The following COG5 variants were observed in gnomAD, a reference collection of about 807,000 sequenced individuals.
COG5 encodes the protein component of oligomeric golgi complex 5, also known as conserved oligomeric Golgi complex subunit 5.
A neutral mutation model predicts 110.4 loss-of-function variants in COG5; 86 were observed. That is an observed-to-expected ratio of 0.78 (90% CI 0.65 to 0.93). The LOEUF (loss-of-function observed/expected upper bound fraction) is 0.93. Ranked by LOEUF, COG5 falls within the 40% of genes least tolerant of loss-of-function variation. The pLI is 0.00. For missense variants in COG5, 1,077 were observed against 987.0 expected, an observed-to-expected ratio of 1.09 and a Z score of -1.22; for synonymous variants, 360 against 334.6, an observed-to-expected ratio of 1.08 and a Z score of -0.83.
chr7:107,533,439 T>C (rs1048680328), intron 5 of COG5, among the ~76,000 whole-genome samples: 7 of 151,310 alleles, frequency 4.6e-5, no homozygotes, highest in Non-Finnish European at 1.0e-4. Context: ...GTTAGAGGAA[T>C]TGCTAACTAG....
At chr7:107,507,062 G>C (rs762177861) in intron 6 of COG5, among the ~76,000 whole-genome samples, 19 of 152,152 alleles carry the variant, frequency 1.2e-4, no homozygotes, top group Non-Finnish European at 2.5e-4. Context: ...ATCAGTTCCA[G>C]TGTTGAGTAG....
intron 8 of COG5, among the ~76,000 whole-genome samples, chr7:107,372,048 G>A (rs185066952): frequency 2.2e-4 from 33 of 152,246 alleles, no homozygotes; most frequent in African/African-American, 6.0e-4. Context: ...AAGGTTTACA[G>A]ACTCCTAATG....
intron 7 of COG5, among the ~76,000 whole-genome samples, chr7:107,380,341 C>A (rs966457942): frequency 1.3e-5 from 2 of 151,572 alleles, no homozygotes; most frequent in Non-Finnish European, 2.9e-5. Context: ...GATACAGACA[C>A]GAAAAACCCT....
intron 7 of COG5, among the ~76,000 whole-genome samples, chr7:107,388,491 G>A (rs1168278654): frequency 1.3e-5 from 2 of 152,140 alleles, no homozygotes; most frequent in Non-Finnish European, 2.9e-5. Context: ...CCAAGAACAT[G>A]CCATAGTAAA....
Position 107,325,848 on chromosome 7 carries a change from T to C in COG5, c.1027-1327A>G, listed in dbSNP as rs893582769. The stretch of plus-strand genomic sequence containing the variant: ...ATTAATTGTTCCTTTTTAAAATAAG[T>C]CTTATGGTTGTAAATTTACTCAAGA... On this transcript the variant is annotated intron_variant, in intron 10 of 21. Coordinates refer to ENST00000297135, the MANE Select transcript of COG5 (RefSeq NM_006348.5). Among the ~76,000 whole-genome samples, 12 of 152,208 alleles carry C rather than the reference T, an allele frequency of 7.9e-5. 1 individual carries two copies. The highest frequency in any genetic ancestry group is 7.2e-4 in the Admixed American group (11 of 15,280).
Position 107,467,415 on chromosome 7 carries a change from G to A in COG5, c.539-54783C>T, listed in dbSNP as rs116512303. 7.2e-3 allele frequency among the ~76,000 whole-genome samples: 1,102 copies of A among 152,066 alleles called. 14 individuals carry two copies. The highest frequency in any genetic ancestry group is 0.023 in the African/African-American group (960 of 41,474). ...TTGTTGCCCAGGCTGGAGGGGTAGC[G>A]GTGCAATCGCAGCTCACTGCAATCT... On this transcript the variant is annotated intron_variant, in intron 6 of 21. Coordinates refer to ENST00000297135, the MANE Select transcript of COG5 (RefSeq NM_006348.5).
intron 11 of COG5, among the ~76,000 whole-genome samples, chr7:107,311,381 T>A (rs1255481700): frequency 8.5e-5 from 8 of 94,444 alleles, no homozygotes; most frequent in African/African-American, 3.1e-4. Context: ...TTTTTTTTTT[T>A]TTTTTTTTTT....
chr7:107,411,087 G>C (rs1420958483), intron 7 of COG5, among the ~76,000 whole-genome samples: 1 of 152,142 alleles, frequency 6.6e-6, no homozygotes, highest in Admixed American at 6.5e-5. Flanking sequence ...GACACAAAAG[G>C]ATTAGGAGAT....
Position 107,425,055 on chromosome 7 carries a change from T to C in COG5, c.539-12423A>G, listed in dbSNP as rs1475530884. On this transcript the variant is annotated intron_variant, in intron 6 of 21. Transcript: ENST00000297135. ...GAACATCCAAAAGAAGAATATAATA[T>C]ATAACATTTCCCACATCTATTTATC... Among the ~76,000 whole-genome samples, 4 of 152,200 alleles carry C rather than the reference T, an allele frequency of 2.6e-5. No homozygotes were observed. The East Asian group carries it at 5.8e-4, about 22-fold the overall frequency.
At chr7:107,313,934 C>A (rs961106998) in intron 11 of COG5, among the ~76,000 whole-genome samples, 1 of 152,040 alleles carries the variant, frequency 6.6e-6, no homozygotes, top group African/African-American at 2.4e-5. Flanking sequence ...GTTAATTTCC[C>A]AAAATTGCAC....
At chr7:107,391,565 T>C (rs1790626948) in intron 7 of COG5, among the ~76,000 whole-genome samples, 1 of 152,216 alleles carries the variant, frequency 6.6e-6, no homozygotes, top group African/African-American at 2.4e-5. Context: ...CCAAATCCAA[T>C]GTCATGACAC....
intron 17 of COG5, among the ~76,000 whole-genome samples, chr7:107,246,027 A>T (rs1310795824): frequency 6.6e-6 from 1 of 152,204 alleles, no homozygotes; most frequent in African/African-American, 2.4e-5. Context: ...ACATAGACCA[A>T]TGGAACAGAA....
intron 11 of COG5, among the ~76,000 whole-genome samples, chr7:107,321,285 C>T (rs1334733913): frequency 1.3e-5 from 2 of 152,036 alleles, no homozygotes; most frequent in Non-Finnish European, 2.9e-5. Context: ...ATGCTAAAAA[C>T]TATAAAGCAT....
In COG5 at chr7:107,494,733, A is replaced by C. The variant is rs1487409296; in HGVS notation, c.538+32504T>G. On this transcript the variant is annotated intron_variant, in intron 6 of 21. Coordinates refer to ENST00000297135, the MANE Select transcript of COG5 (RefSeq NM_006348.5). ...CATTTGAAGGCGACAGAAATAACCA[A>C]AGAAAGATTTACTTTTAATTATAGA... is the stretch of plus-strand genomic sequence containing the variant. Among the ~76,000 whole-genome samples the C allele has an allele frequency of 3.9e-5, 6 of 152,162 alleles. No individual in the cohort carries two copies. In the East Asian group the frequency reaches 1.2e-3, roughly 29 times the overall value.
rs182549472 is a variant in COG5 at position 107,341,753 on chromosome 7, A to G, written c.1027-17232T>C. 5.3e-5 allele frequency among the ~76,000 whole-genome samples: 8 copies of G among 152,142 alleles called. No homozygotes were observed. In the East Asian group the frequency reaches 1.5e-3, roughly 29 times the overall value. On this transcript the variant is annotated intron_variant, in intron 10 of 21. Transcript: ENST00000297135. ...CAGCCATCTGACAAAAATAAAATAC[A>G]AAAGTCTACAAAAATAAGCAATGGA...
intron 6 of COG5, among the ~76,000 whole-genome samples, chr7:107,465,825 C>A (rs1434852372): frequency 1.3e-5 from 2 of 152,118 alleles, no homozygotes; most frequent in Admixed American, 6.6e-5. Flanking sequence ...AGAATGGCAG[C>A]CTTCTTACAA....
At chr7:107,267,154 T>C (rs1803867816) in intron 14 of COG5, among the ~76,000 whole-genome samples, 1 of 152,148 alleles carries the variant, frequency 6.6e-6, no homozygotes, top group African/African-American at 2.4e-5. Context: ...GCTTTGTAAC[T>C]CAAAACTCTG....
chr7:107,447,664 C>T (rs1795088150), intron 6 of COG5, among the ~76,000 whole-genome samples: 1 of 152,054 alleles, frequency 6.6e-6, no homozygotes, highest in Non-Finnish European at 1.5e-5. Context: ...TGTCAATAAC[C>T]ATATATTATC....
intron 6 of COG5, among the ~76,000 whole-genome samples, chr7:107,489,430 G>T (rs1278776516): frequency 2.0e-5 from 3 of 152,102 alleles, no homozygotes; most frequent in Non-Finnish European, 4.4e-5. Context: ...TCAGCTTCTG[G>T]TGACAAACAA....
Sources: allele counts gnomAD v4.1 joint callset (sites outside exome capture counted in the v4.1 genomes callset), GRCh38; gene constraint gnomAD v4.1.1; transcripts MANE v1.5; gene names NCBI Gene and HGNC (gene_info 2026-07-23, HGNC 2026-07-21).